KCTD8: variants seen among roughly 807,000 people sequenced by gnomAD.
KCTD8 encodes potassium channel tetramerization domain containing 8.
A neutral mutation model predicts 31.5 loss-of-function variants in KCTD8; 27 were observed. The observed-to-expected ratio is 0.86, with a 90% CI of 0.63 to 1.18. The LOEUF (loss-of-function observed/expected upper bound fraction) is 1.18, where lower values mean the gene tolerates loss of function less well. KCTD8 is among the 50% of genes most tolerant of loss of function. The pLI is 0.00. For synonymous variants in KCTD8, 290 were observed against 280.0 expected (o/e 1.04, Z -0.36); for missense variants, 658 against 647.7 (o/e 1.02, Z -0.17).
At chr4:44,305,057 G>A (rs1717761078) in intron 1 of KCTD8, among the ~76,000 whole-genome samples, 1 of 152,014 alleles carries the variant, frequency 6.6e-6, no homozygotes, top group African/African-American at 2.4e-5. Flanking sequence ...ATATTTTATG[G>A]TTTCAGAGTA....
rs560006548 is a variant in KCTD8 at position 44,299,573 on chromosome 4, C to A, written c.962-124323G>T. On this transcript the variant is annotated intron_variant, in intron 1 of 1. Coordinates refer to ENST00000360029, the MANE Select transcript of KCTD8 (RefSeq NM_198353.3). Reference sequence around the variant, plus strand: ...GTGAAACTCCATCTTTCTAAACATACAAAAATTAGCTGGACGTGGTGGCAA... The same window carrying A: ...GTGAAACTCCATCTTTCTAAACATAAAAAAATTAGCTGGACGTGGTGGCAA... Among the ~76,000 whole-genome samples the A allele has an allele frequency of 4.6e-5, 7 of 152,036 alleles. No individual in the cohort carries two copies. In the South Asian group the frequency reaches 1.2e-3, roughly 27 times the overall value.
chr4:44,286,077 T>C (rs562641208), intron 1 of KCTD8, among the ~76,000 whole-genome samples: 34 of 152,284 alleles, frequency 2.2e-4, no homozygotes, highest in Admixed American at 2.2e-3. Flanking sequence ...TTGCAGATTC[T>C]TTCTCTTTAC....
In KCTD8 at chr4:44,265,834, G is replaced by C. The variant is rs558605509; in HGVS notation, c.962-90584C>G. ...TGAATGAAATGAAGTGAGAAGGGAA[G>C]TTTAGAGAAAAAAGAATAAAAAGAA... is the stretch of plus-strand genomic sequence containing the variant. On this transcript the variant is annotated intron_variant, in intron 1 of 1. Transcript: ENST00000360029. Among the ~76,000 whole-genome samples, 8 of 152,212 alleles carry C rather than the reference G, an allele frequency of 5.3e-5. No individual in the cohort carries two copies. In the East Asian group the frequency reaches 1.5e-3, roughly 29 times the overall value.
chr4:44,324,989 T>C (rs952266592), intron 1 of KCTD8, among the ~76,000 whole-genome samples: 3 of 152,030 alleles, frequency 2.0e-5, no homozygotes, highest in African/African-American at 7.3e-5. Context: ...CGCACACCAC[T>C]GTTTTAAAGA....
At chr4:44,417,724 C>A (rs561681585) in intron 1 of KCTD8, among the ~76,000 whole-genome samples, 1 of 127,824 alleles carries the variant, frequency 7.8e-6, no homozygotes, top group African/African-American at 3.1e-5. Context: ...TGGCATTAGC[C>A]AACTATATCT....
intron 1 of KCTD8, among the ~76,000 whole-genome samples, chr4:44,241,054 T>C (rs1715445242): frequency 6.6e-6 from 1 of 152,202 alleles, no homozygotes; most frequent in South Asian, 2.1e-4. Flanking sequence ...TTTTAACCCT[T>C]GGTTTCAAAA....
chr4:44,383,897 G>A (rs1720139013), intron 1 of KCTD8, among the ~76,000 whole-genome samples: 1 of 151,918 alleles, frequency 6.6e-6, no homozygotes, highest in Non-Finnish European at 1.5e-5. Flanking sequence ...TTGCAGAATA[G>A]AAGAAAATAT....
intron 1 of KCTD8, among the ~76,000 whole-genome samples, chr4:44,265,378 CA>C (rs1040029698): frequency 2.4e-4 from 37 of 152,062 alleles, no homozygotes; most frequent in African/African-American, 8.9e-4. Context: ...ACATCCACAC[CA>C]AAAACCCATC....
intron 1 of KCTD8, among the ~76,000 whole-genome samples, chr4:44,415,556 C>T (rs533882558): frequency 4.6e-5 from 7 of 152,298 alleles, no homozygotes; most frequent in Admixed American, 1.3e-4. Context: ...GGTCCAGGCC[C>T]AGAGTGCCAC....
At chr4:44,246,571 T>C (rs1715673178) in intron 1 of KCTD8, among the ~76,000 whole-genome samples, 1 of 152,038 alleles carries the variant, frequency 6.6e-6, no homozygotes, top group South Asian at 2.1e-4. Flanking sequence ...TTAAAAACTT[T>C]TCTTTGGCTC....
chr4:44,280,463 A>T lies in KCTD8; in HGVS notation c.962-105213T>A, dbSNP rs529415704. Among the ~76,000 whole-genome samples, 362 of 152,176 alleles carry T rather than the reference A, an allele frequency of 2.4e-3. 2 individuals are homozygous for T. The highest frequency in any genetic ancestry group is 0.022 in the South Asian group (108 of 4,826). On this transcript the variant is annotated intron_variant, in intron 1 of 1. Transcript: ENST00000360029. ...TTTTCTCAAATTTAAGACCATTCAA[A>T]CACTCGAACTTCAGGGATGGCAATT...
chr4:44,381,730 T>C (rs1045795337), intron 1 of KCTD8, among the ~76,000 whole-genome samples: 4 of 151,964 alleles, frequency 2.6e-5, no homozygotes, highest in Non-Finnish European at 4.4e-5. Flanking sequence ...CACTCTGAGA[T>C]CTGGTTGTTT....
At chr4:44,440,987 T>C (rs567753151) in intron 1 of KCTD8, among the ~76,000 whole-genome samples, 2 of 152,172 alleles carry the variant, frequency 1.3e-5, no homozygotes, top group African/African-American at 4.8e-5. Context: ...TTCACTTTTT[T>C]AAAAAAGCAA....
At chr4:44,401,244 A>G (rs995961002) in intron 1 of KCTD8, among the ~76,000 whole-genome samples, 3 of 151,972 alleles carry the variant, frequency 2.0e-5, no homozygotes, top group Admixed American at 6.6e-5. Flanking sequence ...TTCAAGCAAG[A>G]CTTCAGAATT....
At chr4:44,299,719 T>C (rs1264251151) in intron 1 of KCTD8, among the ~76,000 whole-genome samples, 3 of 147,580 alleles carry the variant, frequency 2.0e-5, no homozygotes, top group Admixed American at 2.0e-4. Context: ...AGAGTGAGAC[T>C]CCGTCTCAAA....
At chr4:44,404,843 A>G (rs1329055002) in intron 1 of KCTD8, among the ~76,000 whole-genome samples, 1 of 152,206 alleles carries the variant, frequency 6.6e-6, no homozygotes, top group African/African-American at 2.4e-5. Flanking sequence ...CACTTTGAAC[A>G]TTCCTTGAAA....
chr4:44,306,252 T>C (rs919695234), intron 1 of KCTD8, among the ~76,000 whole-genome samples: 2 of 152,002 alleles, frequency 1.3e-5, no homozygotes, highest in African/African-American at 4.8e-5. Context: ...AAATTGATGA[T>C]TGCTATATCT....
intron 1 of KCTD8, among the ~76,000 whole-genome samples, chr4:44,366,255 C>G (rs905230322): frequency 2.0e-5 from 3 of 152,146 alleles, no homozygotes; most frequent in Non-Finnish European, 2.9e-5. Context: ...TGGTTTGGCT[C>G]TGTGTTTCCA....
intron 1 of KCTD8, among the ~76,000 whole-genome samples, chr4:44,335,064 G>A (rs1480867452): frequency 2.0e-5 from 3 of 152,056 alleles, no homozygotes; most frequent in East Asian, 3.9e-4. Context: ...TTTGATTCTG[G>A]CAAAACGTTT....
Sources: allele counts gnomAD v4.1 joint callset (sites outside exome capture counted in the v4.1 genomes callset), GRCh38; gene constraint gnomAD v4.1.1; transcripts MANE v1.5; gene names NCBI Gene and HGNC (gene_info 2026-07-23, HGNC 2026-07-21).